Variants in PDZD2 observed in about 807,000 individuals in gnomAD.
The protein encoded by PDZD2 is PDZ domain containing 2.
A neutral mutation model predicts 220.7 loss-of-function variants in PDZD2; 90 were observed. The ratio of observed to expected loss-of-function variants is 0.41; its 90% CI spans 0.34 to 0.49. The LOEUF (loss-of-function observed/expected upper bound fraction) is 0.49, where lower values mean the gene tolerates loss of function less well. Among genes scored for constraint, PDZD2 ranks in the 20% least tolerant of loss-of-function variants. The pLI is 0.28. For synonymous variants in PDZD2, 1,375 were observed against 1,450.5 expected (o/e 0.95, Z 1.18); for missense variants, 3,174 against 3,608.5 (o/e 0.88, Z 3.08).
At chr5:31,888,541 C>T (rs939665526) in intron 2 of PDZD2, among the ~76,000 whole-genome samples, 3 of 135,406 alleles carry the variant, frequency 2.2e-5, no homozygotes, top group Non-Finnish European at 5.2e-5. Flanking sequence ...GTCAGGGCTA[C>T]GTACTCCGAT....
At position 32,101,176 on chromosome 5, in the gene PDZD2, C is replaced by G. The variant is rs2111686287; in HGVS notation, c.8290C>G (p.Leu2764Val). ...GACCTCGGCTGGGCTGGGACTGAGTCTGGATGGGGGAAAATCATCGGTGAC... is the reference window on the plus strand; with the variant it reads ...GACCTCGGCTGGGCTGGGACTGAGTGTGGATGGGGGAAAATCATCGGTGAC... ...LKTSAGLGLS[L>V]DGGKSSVTGD... Residue 2764 changes from leucine (L) to valine (V), a missense_variant, in exon 24 of 25, where the codon CTG becomes GTG. Leu to Val is a conservative substitution (Grantham distance 32). Transcript: ENST00000438447. 6.2e-7 allele frequency: 1 copy of G among 1,613,904 alleles called. No individual in the cohort carries two copies. Among genetic ancestry groups the G allele is most frequent in the South Asian group, 1.1e-5 (1 of 91,058 alleles).
At position 32,000,271 on chromosome 5, in the gene PDZD2, G is replaced by A; in HGVS notation, c.1254G>A (p.Lys418=). Reference sequence around the variant, plus strand: ...TGGTGCAGCTTGTGGTGGCCAGCAAGGTAGGTCGTGTTTGTTTTTTGGTAC... The same window carrying A: ...TGGTGCAGCTTGTGGTGGCCAGCAAAGTAGGTCGTGTTTGTTTTTTGGTAC... ...TGMVQLVVAS[K]ENSAEDLLRL... The change falls in exon 5 of 25, where the codon AAG becomes AAA. Residue 418 remains lysine (K), a splice_region_variant and synonymous_variant. Coordinates refer to ENST00000438447, the MANE Select transcript of PDZD2 (RefSeq NM_178140.4). This position sits in a 1 kb window ranked among gnomAD's most constrained non-coding sequence, Gnocchi z 4.5. 6.2e-7 allele frequency: 1 copy of A among 1,614,176 alleles called. No individual in the cohort carries two copies. Among genetic ancestry groups the A allele is most frequent in the Non-Finnish European group, 8.5e-7 (1 of 1,180,028 alleles).
chr5:32,082,626 T>C (rs371477978), intron 19 of PDZD2, among the ~76,000 whole-genome samples: 1 of 152,182 alleles, frequency 6.6e-6, no homozygotes, highest in Middle Eastern at 3.2e-3. Context: ...ATAAGTTATA[T>C]TACGTGTGTG....
chr5:31,789,342 G>A (rs753179769), intron 1 of PDZD2, among the ~76,000 whole-genome samples: 1 of 152,180 alleles, frequency 6.6e-6, no homozygotes, highest in African/African-American at 2.4e-5. Context: ...CTTGCTCCTC[G>A]AACATAGGTG....
At chr5:31,657,362 G>T (rs933927751) in intron 1 of PDZD2, 1 of 152,302 alleles carries the variant, frequency 6.6e-6, no homozygotes, top group African/African-American at 2.4e-5. Flanking sequence ...TGTTCATCCA[G>T]AGAGAAAGTT....
At chr5:31,771,316 C>T (rs1403808695) in intron 1 of PDZD2, among the ~76,000 whole-genome samples, 1 of 152,124 alleles carries the variant, frequency 6.6e-6, no homozygotes, top group African/African-American at 2.4e-5. Flanking sequence ...TGCATGCTAC[C>T]TGTCATCCCT....
In PDZD2 at chr5:32,090,946, G is replaced by T. The variant is rs944744030; in HGVS notation, c.7498G>T (p.Asp2500Tyr). 6 of 1,613,878 alleles carry T rather than the reference G, an allele frequency of 3.7e-6. No homozygotes were observed. The African/African-American group carries it at 8.0e-5, about 22-fold the overall frequency. Residue 2500 changes from aspartate (D) to tyrosine (Y), a missense_variant, in exon 20 of 25, where the codon GAT (aspartate) becomes TAT (tyrosine). By Grantham distance (160) the Asp-to-Tyr change is radical (BLOSUM62 -3). Transcript: ENST00000438447. The surrounding 1 kb of genome is among the most constrained non-coding windows in gnomAD (Gnocchi z 4.3). ...TGACCTTGACAAGCTCTGCAGCGAGGATTACTCAGCAGGGCCGAGCGCCGT... is the reference window on the plus strand; with the variant it reads ...TGACCTTGACAAGCTCTGCAGCGAGTATTACTCAGCAGGGCCGAGCGCCGT... Reference protein sequence around the residue: ...MPDLDKLCSEDYSAGPSAVLF... With the variant: ...MPDLDKLCSEYYSAGPSAVLF...
chr5:31,680,950 T>C (rs1284892500), intron 1 of PDZD2, among the ~76,000 whole-genome samples: 2 of 152,152 alleles, frequency 1.3e-5, no homozygotes, highest in East Asian at 1.9e-4. Context: ...TTGCTGACTG[T>C]GGACACCCAT....
intron 2 of PDZD2, among the ~76,000 whole-genome samples, chr5:31,863,855 A>C (rs1396929270): frequency 1.3e-5 from 2 of 152,186 alleles, no homozygotes; most frequent in Non-Finnish European, 2.9e-5. Context: ...TATGGTGAAG[A>C]CCTTTTGTAG....
At chr5:31,954,665 A>C (rs1465920800) in intron 2 of PDZD2, among the ~76,000 whole-genome samples, 1 of 152,190 alleles carries the variant, frequency 6.6e-6, no homozygotes. Flanking sequence ...ACAGTGACTC[A>C]CACCTGTAAT....
At chr5:31,989,421 C>CTTTT (rs869045113) in intron 3 of PDZD2, among the ~76,000 whole-genome samples, 47 of 119,892 alleles carry the variant, frequency 3.9e-4, no homozygotes, top group East Asian at 5.3e-4. Flanking sequence ...ATTTTCTTTT[C>CTTTT]TTTTTTTTTT....
chr5:31,667,092 T>C (rs1178586599), intron 1 of PDZD2, among the ~76,000 whole-genome samples: 4 of 151,722 alleles, frequency 2.6e-5, no homozygotes, highest in Non-Finnish European at 5.9e-5. Flanking sequence ...AAAAACTAGC[T>C]GGGCGTGGTG....
At chr5:32,091,257 G>C in intron 20 of PDZD2, 82 bp downstream of exon 20, 10 of 741,442 alleles carry the variant, frequency 1.3e-5, no homozygotes, top group Non-Finnish European at 1.8e-5. Flanking sequence ...AAGTTGCAAA[G>C]ATAATGCAGA....
intron 20 of PDZD2, 58 bp from the exon 21 acceptor site, chr5:32,092,849 T>C: frequency 1.2e-6 from 1 of 840,068 alleles, no homozygotes; most frequent in Non-Finnish European, 1.9e-6. Context: ...TGCATTCTTA[T>C]AAAATGAAGA....
At chr5:31,650,339 A>G (rs942770170) in intron 1 of PDZD2, among the ~76,000 whole-genome samples, 9 of 152,228 alleles carry the variant, frequency 5.9e-5, no homozygotes, top group African/African-American at 2.2e-4. Flanking sequence ...TAAGAGTTGG[A>G]GCAAGAATTT....
At chr5:31,778,487 T>TGAACAACTCTGGACGGGAGGAAC (rs1035421493) in intron 1 of PDZD2, among the ~76,000 whole-genome samples, 2 of 150,030 alleles carry the variant, frequency 1.3e-5, no homozygotes, top group African/African-American at 2.5e-5. Context: ...CTGGGAGGAA[T>TGAACAACTCTGGACGGGAGGAAC]GAACAACTCT....
chr5:31,999,745 T>C (rs1418254314), intron 4 of PDZD2, among the ~76,000 whole-genome samples: 1 of 152,110 alleles, frequency 6.6e-6, no homozygotes, highest in East Asian at 1.9e-4. Context: ...CTCTGCTGTT[T>C]CTGAGCTTAG....
intron 10 of PDZD2, among the ~76,000 whole-genome samples, chr5:32,056,919 G>A (rs573735280): frequency 1.3e-5 from 2 of 152,124 alleles, no homozygotes; most frequent in African/African-American, 4.8e-5. Context: ...GTGAAACCCT[G>A]TCTCTACTAA....
intron 14 of PDZD2, among the ~76,000 whole-genome samples, chr5:32,066,819 C>T (rs1042572467): frequency 4.6e-5 from 7 of 152,196 alleles, no homozygotes; most frequent in African/African-American, 1.7e-4. Context: ...GGCATTTCAG[C>T]GCAAAGCATC....
Sources: gnomAD v4.1 joint callset for allele counts (sites outside exome capture counted in the v4.1 genomes callset) on GRCh38, gnomAD v4.1.1 for gene constraint, Gnocchi (gnomAD v3.1) non-coding constraint, MANE v1.5 for transcripts, NCBI Gene and HGNC (gene_info 2026-07-23, HGNC 2026-07-21) for gene names.